Variants in CERK observed in about 807,000 individuals in gnomAD.
CERK encodes acylsphingosine kinase.
In CERK, 39 loss-of-function variants were observed where a neutral mutation model predicts 63.4. The observed-to-expected ratio is 0.61, with a 90% CI of 0.48 to 0.80. The LOEUF is 0.80. Ranked by LOEUF, CERK falls within the 30% of genes least tolerant of loss-of-function variation. CERK has a pLI of 0.00. For synonymous variants in CERK, 302 were observed against 280.0 expected, an observed-to-expected ratio of 1.08 and a Z score of -0.78; for missense variants, 670 against 714.1, an observed-to-expected ratio of 0.94 and a Z score of 0.70.
chr22:46,719,908 T>C lies in CERK; in HGVS notation c.379+178A>G, dbSNP rs550089715. ...GCCAGGGTCCAGGCTGTGGAGCCCA[T>C]GCCCTTTGCATTCACTGGGATGGTC... On this transcript the variant is annotated intron_variant, in intron 3 of 12. Coordinates refer to ENST00000216264, the MANE Select transcript of CERK (RefSeq NM_022766.6). Among the ~76,000 whole-genome samples, 6 of 152,328 alleles carry C rather than the reference T, an allele frequency of 3.9e-5. No individual in the cohort carries two copies. In the South Asian group the frequency reaches 1.2e-3, roughly 32 times the overall value.
chr22:46,712,343 G>A (rs781771145), intron 3 of CERK, 50 bp from the exon 4 acceptor site: 52 of 1,577,672 alleles, frequency 3.3e-5, no homozygotes, highest in Admixed American at 6.8e-5. Context: ...AAATCAAAAC[G>A]AAGAGCTCTG....
At chr22:46,703,304 G>A (rs1196859606) in intron 6 of CERK, among the ~76,000 whole-genome samples, 1 of 152,144 alleles carries the variant, frequency 6.6e-6, no homozygotes, top group Non-Finnish European at 1.5e-5. Context: ...ACGGGAGGCA[G>A]CTCAACACCC....
chr22:46,716,052 C>T (rs1374742141), intron 3 of CERK, among the ~76,000 whole-genome samples: 2 of 152,020 alleles, frequency 1.3e-5, no homozygotes, highest in Non-Finnish European at 2.9e-5. Flanking sequence ...CAGCCAGGCA[C>T]GGTGACATGT....
chr22:46,727,671 C>T (rs1043173730), intron 1 of CERK, among the ~76,000 whole-genome samples: 1 of 152,178 alleles, frequency 6.6e-6, no homozygotes, highest in Non-Finnish European at 1.5e-5. Context: ...CCTTCCTCGT[C>T]CTAACGTCCC....
intron 1 of CERK, among the ~76,000 whole-genome samples, chr22:46,733,650 G>A (rs553236215): frequency 1.2e-4 from 18 of 151,808 alleles, no homozygotes; most frequent in South Asian, 6.2e-4. Context: ...AAATTATTTC[G>A]TCAAATAATC....
chr22:46,716,940 C>CAAA (rs61597066), intron 3 of CERK, among the ~76,000 whole-genome samples: 4,340 of 138,974 alleles, frequency 0.031, 221 homozygotes, highest in African/African-American at 0.11. Context: ...GTCCCCCCAC[C>CAAA]AAAAAAAAAA....
intron 1 of CERK, among the ~76,000 whole-genome samples, chr22:46,736,516 G>C (rs2082974525): frequency 6.6e-6 from 1 of 152,224 alleles, no homozygotes; most frequent in Admixed American, 6.5e-5. Flanking sequence ...GGAAGTGCTT[G>C]GGGGAGGCAG....
intron 1 of CERK, among the ~76,000 whole-genome samples, chr22:46,728,952 G>T (rs148307080): frequency 6.6e-6 from 1 of 152,244 alleles, no homozygotes; most frequent in Non-Finnish European, 1.5e-5. Context: ...CCTCACTCCT[G>T]AGGGGCCAAA....
Position 46,738,168 on chromosome 22 carries a change from C to T in CERK, c.-20G>A. 2.6e-6 allele frequency: 3 copies of T among 1,159,522 alleles called. No individual in the cohort carries two copies. Among genetic ancestry groups the T allele is most frequent in the Non-Finnish European group, 3.2e-6 (3 of 943,770 alleles). The allele number at this position is 1,159,522 out of a possible 1,614,324, so 71.8% of individuals were successfully genotyped here. On this transcript the variant is annotated 5_prime_UTR_variant, in exon 1 of 13. Transcript: ENST00000216264. Reference sequence around the variant, plus strand: ...CCCCATCTCCGCCGCCGGGCTCGTCCGCCAGGCTGGGGGCGCGCGGACGCC... The same window carrying T: ...CCCCATCTCCGCCGCCGGGCTCGTCTGCCAGGCTGGGGGCGCGCGGACGCC...
At position 46,712,206 on chromosome 22, in the gene CERK, G is replaced by A. The variant is rs1231797791; in HGVS notation, c.467C>T (p.Pro156Leu). ...GKRIYERKVAPLFTLASITTD... is the reference protein window; with the variant it reads ...GKRIYERKVALLFTLASITTD... ...GGTGATGGAGGCTAAGGTGAACAGT[G>A]GTGCCACTTTTCTTTCATATATCCG... Residue 156 changes from proline to leucine, a missense_variant, in exon 4 of 13, where the codon CCA becomes CTA. Coordinates refer to ENST00000216264, the MANE Select transcript of CERK (RefSeq NM_022766.6). The A allele has an allele frequency of 1.2e-6, 2 of 1,614,044 alleles. No individual in the cohort carries two copies. The highest frequency in any genetic ancestry group is 1.7e-6 in the Non-Finnish European group (2 of 1,180,002).
chr22:46,710,988 G>C (rs1158977811), intron 5 of CERK, 98 bp downstream of exon 5: 10 of 917,538 alleles, frequency 1.1e-5, no homozygotes, highest in Non-Finnish European at 1.8e-5. Context: ...GGTGGAGGCG[G>C]GGGGCGGATT....
intron 12 of CERK, among the ~76,000 whole-genome samples, 185 bp downstream of exon 12, chr22:46,689,807 G>T (rs2082720676): frequency 6.6e-6 from 1 of 152,186 alleles, no homozygotes; most frequent in African/African-American, 2.4e-5. Context: ...CATCTTTCCA[G>T]AATGTGGGTA....
At chr22:46,717,856 G>A (rs6007957) in intron 3 of CERK, among the ~76,000 whole-genome samples, 20,634 of 152,090 alleles carry the variant, frequency 0.14, 1,836 homozygotes, top group African/African-American at 0.25. Flanking sequence ...CGAGGTAGGC[G>A]GATCACTTGA....
At chr22:46,733,078 G>A (rs944588980) in intron 1 of CERK, among the ~76,000 whole-genome samples, 1 of 150,806 alleles carries the variant, frequency 6.6e-6, no homozygotes, top group Non-Finnish European at 1.5e-5. Flanking sequence ...TGCAATGGTG[G>A]GTGCCTGTAG....
intron 7 of CERK, among the ~76,000 whole-genome samples, chr22:46,700,772 A>T (rs1210867334): frequency 5.3e-5 from 8 of 151,576 alleles, no homozygotes; most frequent in Non-Finnish European, 1.2e-4. Context: ...AACACTTTGG[A>T]AGGCCGAGGC....
intron 3 of CERK, among the ~76,000 whole-genome samples, chr22:46,716,572 T>C (rs1480043909): frequency 6.6e-6 from 1 of 151,666 alleles, no homozygotes; most frequent in African/African-American, 2.4e-5. Flanking sequence ...ATTACATAAA[T>C]TTATGTAATT....
Position 46,694,841 on chromosome 22 carries a change from A to G in CERK, c.1049+369T>C, listed in dbSNP as rs77883828. Among the ~76,000 whole-genome samples, 312 of 152,306 alleles carry G rather than the reference A, an allele frequency of 2.0e-3. 2 individuals are homozygous for G. The highest frequency in any genetic ancestry group is 7.3e-3 in the African/African-American group (304 of 41,550). ...GTGCCCTGCACACGCACAGTCACTG[A>G]TAAGGTGTCTGCCATCCTTTCCTGC... is the stretch of plus-strand genomic sequence containing the variant. On this transcript the variant is annotated intron_variant, in intron 9 of 12. Coordinates refer to ENST00000216264, the MANE Select transcript of CERK (RefSeq NM_022766.6).
At chr22:46,735,066 C>T (rs939379166) in intron 1 of CERK, 1 of 132,330 alleles carries the variant, frequency 7.6e-6, no homozygotes, top group Admixed American at 8.1e-5. Flanking sequence ...CAGTAGTCCC[C>T]TCACCCCCCA....
intron 9 of CERK, 133 bp downstream of exon 9, chr22:46,695,077 G>C: frequency 1.7e-6 from 1 of 596,916 alleles, no homozygotes; most frequent in South Asian, 1.9e-5. Context: ...GGCATCATAG[G>C]CATCGTGTGT....
Sources: allele counts gnomAD v4.1 joint callset (sites outside exome capture counted in the v4.1 genomes callset), GRCh38; gene constraint gnomAD v4.1.1; transcripts MANE v1.5; gene names NCBI Gene and HGNC (gene_info 2026-07-23, HGNC 2026-07-21).